Variants in ESRRG observed in about 807,000 individuals in gnomAD.
The protein encoded by ESRRG is estrogen related receptor gamma.
ESRRG carries 13 observed loss-of-function variants against 44.0 expected under a neutral mutation model. The observed-to-expected ratio is 0.30, with a 90% confidence interval of 0.19 to 0.47. ESRRG has a LOEUF of 0.47. ESRRG is among the 20% of genes least tolerant of loss of function. ESRRG has a pLI of 1.00. For missense variants in ESRRG, 395 were observed against 580.6 expected (o/e 0.68, Z 3.29); for synonymous variants, 215 against 214.6 (o/e 1.00, Z -0.02).
chr1:216,764,572 G>T (rs538814851), intron 2 of ESRRG, among the ~76,000 whole-genome samples: 2 of 151,632 alleles, frequency 1.3e-5, no homozygotes, highest in East Asian at 1.9e-4. Flanking sequence ...CCCGGCCCAG[G>T]GGGGGACTCT....
chr1:216,610,052 G>T (rs1177038597), intron 3 of ESRRG, among the ~76,000 whole-genome samples: 1 of 152,110 alleles, frequency 6.6e-6, no homozygotes, highest in Non-Finnish European at 1.5e-5. Flanking sequence ...TTCCCTATAT[G>T]GTATTTGGTA....
At chr1:216,639,540 G>A (rs2065968404) in intron 3 of ESRRG, among the ~76,000 whole-genome samples, 1 of 152,064 alleles carries the variant, frequency 6.6e-6, no homozygotes, top group Non-Finnish European at 1.5e-5. Context: ...ACAGAAACCA[G>A]GTCTAAGTAG....
At chr1:216,841,765 C>A (rs2095657171) in intron 2 of ESRRG, among the ~76,000 whole-genome samples, 1 of 152,094 alleles carries the variant, frequency 6.6e-6, no homozygotes, top group African/African-American at 2.4e-5. Flanking sequence ...TAACATAAAA[C>A]CTTTGGGAAA....
At chr1:216,895,560 C>T (rs1336296146) in intron 2 of ESRRG, among the ~76,000 whole-genome samples, 1 of 152,164 alleles carries the variant, frequency 6.6e-6, no homozygotes, top group Non-Finnish European at 1.5e-5. Context: ...AAATGTTCTT[C>T]TACCTTAGCA....
intron 1 of ESRRG, among the ~76,000 whole-genome samples, chr1:217,067,356 C>G (rs893520369): frequency 2.0e-5 from 3 of 152,184 alleles, no homozygotes; most frequent in Non-Finnish European, 2.9e-5. Context: ...GTACAAACAA[C>G]ACTAAGGTAA....
intron 1 of ESRRG, among the ~76,000 whole-genome samples, chr1:217,118,553 A>G (rs533382352): frequency 1.3e-5 from 2 of 152,328 alleles, no homozygotes; most frequent in South Asian, 2.1e-4. Flanking sequence ...CTCTGCTCAC[A>G]TTAGAAAGGG....
Position 217,039,996 on chromosome 1 carries a change from C to T in ESRRG, c.-106+49511G>A, listed in dbSNP as rs1051680846. 4.6e-5 allele frequency among the ~76,000 whole-genome samples: 7 copies of T among 152,282 alleles called. No individual in the cohort carries two copies. In the South Asian group the frequency reaches 1.5e-3, roughly 32 times the overall value. ...AATAAAGATAAACACCCCTCTCCTA[C>T]ACACACATGAACACACACCACACAC... On this transcript the variant is annotated intron_variant, in intron 1 of 7. Transcript: ENST00000359162.
At chr1:216,926,408 C>T (rs572929977) in intron 2 of ESRRG, among the ~76,000 whole-genome samples, 246 of 130,696 alleles carry the variant, frequency 1.9e-3, no homozygotes, top group Non-Finnish European at 2.9e-3. Context: ...CTGATAACAC[C>T]TATGAAAAAA....
intron 2 of ESRRG, among the ~76,000 whole-genome samples, chr1:216,794,009 G>A (rs1366703363): frequency 2.7e-5 from 4 of 148,480 alleles, no homozygotes; most frequent in African/African-American, 7.5e-5. Context: ...GTATATAGAA[G>A]AGAAAAAAAT....
chr1:216,717,589 T>A (rs560539848), intron 1 of ESRRG, among the ~76,000 whole-genome samples: 1 of 151,892 alleles, frequency 6.6e-6, no homozygotes, highest in South Asian at 2.1e-4. Flanking sequence ...AGGCAATGAA[T>A]CTAGGAATTT....
At chr1:216,934,372 T>G (rs923381388) in intron 2 of ESRRG, among the ~76,000 whole-genome samples, 11 of 152,098 alleles carry the variant, frequency 7.2e-5, no homozygotes, top group Non-Finnish European at 1.6e-4. Context: ...AGGCGGAAGT[T>G]TCAGTGAGCC....
chr1:217,119,962 T>C (rs1402570965), intron 1 of ESRRG, among the ~76,000 whole-genome samples: 2 of 152,204 alleles, frequency 1.3e-5, no homozygotes, highest in Non-Finnish European at 1.5e-5. Flanking sequence ...AATAAGTACT[T>C]GGGATACAAA....
chr1:216,555,857 C>T (rs2057431936), intron 5 of ESRRG, among the ~76,000 whole-genome samples: 1 of 152,060 alleles, frequency 6.6e-6, no homozygotes, highest in Non-Finnish European at 1.5e-5. Context: ...AAGCCAAGGC[C>T]AGGATAGACA....
intron 1 of ESRRG, among the ~76,000 whole-genome samples, chr1:217,128,106 T>C (rs971561273): frequency 2.0e-5 from 3 of 152,138 alleles, no homozygotes; most frequent in Non-Finnish European, 4.4e-5. Flanking sequence ...AAATGACAAA[T>C]GCAGAAATTT....
At chr1:216,894,179 C>T (rs1466793900) in intron 2 of ESRRG, among the ~76,000 whole-genome samples, 1 of 152,098 alleles carries the variant, frequency 6.6e-6, no homozygotes, top group Non-Finnish European at 1.5e-5. Context: ...TTCTGCTTGA[C>T]TGTGGATCAT....
chr1:216,595,344 T>C (rs2058285068), intron 3 of ESRRG, among the ~76,000 whole-genome samples: 4 of 152,186 alleles, frequency 2.6e-5, no homozygotes, highest in Admixed American at 2.6e-4. Context: ...ATGATACATA[T>C]AGAAGTAGGA....
intron 3 of ESRRG, among the ~76,000 whole-genome samples, chr1:216,619,921 CTAAG>C (rs1197582672): frequency 6.6e-6 from 1 of 152,098 alleles, no homozygotes; most frequent in Non-Finnish European, 1.5e-5. Context: ...TAGAAAAGCT[CTAAG>C]TAGGCAACAC....
At chr1:216,873,576 A>T (rs2096291189) in intron 2 of ESRRG, among the ~76,000 whole-genome samples, 1 of 151,668 alleles carries the variant, frequency 6.6e-6, no homozygotes, top group Admixed American at 6.6e-5. Flanking sequence ...GATTCTCTTA[A>T]TTTTCTGTTT....
At chr1:216,985,698 G>A (rs559413625) in intron 1 of ESRRG, 1 of 152,118 alleles carries the variant, frequency 6.6e-6, no homozygotes. Context: ...TTTATGGTGG[G>A]GGACAGTCAG....
Sources: gnomAD v4.1 joint callset for allele counts (sites outside exome capture counted in the v4.1 genomes callset) on GRCh38, gnomAD v4.1.1 for gene constraint, MANE v1.5 for transcripts, NCBI Gene and HGNC (gene_info 2026-07-23, HGNC 2026-07-21) for gene names.